Variants in TGFBR2 observed in about 807,000 individuals in gnomAD.
TGFBR2 encodes TGF-beta receptor type-2.
A neutral mutation model predicts 49.0 loss-of-function variants in TGFBR2; 18 were observed. That is an observed-to-expected ratio of 0.37 (90% CI 0.25 to 0.54). The LOEUF (loss-of-function observed/expected upper bound fraction) is 0.54. Among genes scored for constraint, TGFBR2 ranks in the 20% least tolerant of loss-of-function variants. The pLI, the probability that TGFBR2 is intolerant of heterozygous loss-of-function variation, is 0.85. For missense variants in TGFBR2, 525 were observed against 722.6 expected, an observed-to-expected ratio of 0.73 and a Z score of 3.13; for synonymous variants, 282 against 275.9, an observed-to-expected ratio of 1.02 and a Z score of -0.22.
intron 6 of TGFBR2, among the ~76,000 whole-genome samples, chr3:30,690,228 C>T (rs1699688741): frequency 6.6e-6 from 1 of 152,212 alleles, no homozygotes; most frequent in Non-Finnish European, 1.5e-5. Flanking sequence ...TCTATTTCCA[C>T]CTATCAGACC....
At position 30,672,449 on chromosome 3, in the gene TGFBR2, C is replaced by T. The variant is rs763098114; in HGVS notation, c.1254+12C>T. 1.9e-6 allele frequency: 3 copies of T among 1,613,998 alleles called. No homozygotes were observed. The highest frequency in any genetic ancestry group is 2.5e-6 in the Non-Finnish European group (3 of 1,179,846). On this transcript the variant is annotated intron_variant, in intron 4 of 6. Coordinates refer to ENST00000295754, the MANE Select transcript of TGFBR2 (RefSeq NM_003242.6). The surrounding 1 kb of genome is among the most constrained non-coding windows in gnomAD (Gnocchi z 4.5). ...CTAACAGTGGGCAGGTAAGTTAGAG[C>T]TAGTGCTAGATCCCCTTTACCTTGA...
At chr3:30,653,987 A>G (rs539237186) in intron 3 of TGFBR2, among the ~76,000 whole-genome samples, 17 of 152,220 alleles carry the variant, frequency 1.1e-4, no homozygotes, top group Admixed American at 1.1e-3. Context: ...TATCAAAGCT[A>G]GGATTTATAA....
At chr3:30,619,726 C>G (rs768218240) in intron 1 of TGFBR2, among the ~76,000 whole-genome samples, 6 of 152,160 alleles carry the variant, frequency 3.9e-5, no homozygotes, top group Non-Finnish European at 7.3e-5. Context: ...AACGGCTCCA[C>G]CCTTTGAAAT....
intron 5 of TGFBR2, among the ~76,000 whole-genome samples, chr3:30,687,181 T>A (rs1245809473): frequency 6.6e-6 from 1 of 152,252 alleles, no homozygotes; most frequent in Non-Finnish European, 1.5e-5. Context: ...TTGACCTTAG[T>A]TGAAGCCTGA....
At chr3:30,607,834 T>TA (rs979227788) in intron 1 of TGFBR2, among the ~76,000 whole-genome samples, 6 of 125,674 alleles carry the variant, frequency 4.8e-5, no homozygotes, top group African/African-American at 1.3e-4. Flanking sequence ...TAAATATATA[T>TA]ATAATTATAT....
Position 30,612,875 on chromosome 3 carries a change from A to T in TGFBR2, c.94+5898A>T, listed in dbSNP as rs117560265. On this transcript the variant is annotated intron_variant, in intron 1 of 6. Coordinates refer to ENST00000295754, the MANE Select transcript of TGFBR2 (RefSeq NM_003242.6). ...GAGGTTAAGATTCTCTTCCTCACCC[A>T]TTACATCAGGAGTACTTCTGCCTTT... Among the ~76,000 whole-genome samples the T allele has an allele frequency of 2.1e-4, 32 of 152,268 alleles. No individual in the cohort carries two copies. In the East Asian group the frequency reaches 6.2e-3, roughly 29 times the overall value.
intron 5 of TGFBR2, among the ~76,000 whole-genome samples, chr3:30,684,020 G>A (rs1170449161): frequency 6.6e-6 from 1 of 152,202 alleles, no homozygotes; most frequent in Non-Finnish European, 1.5e-5. Context: ...GGCATTCTGA[G>A]GGACACTTAG....
At chr3:30,681,061 G>A (rs1179087024) in intron 5 of TGFBR2, among the ~76,000 whole-genome samples, 1 of 149,056 alleles carries the variant, frequency 6.7e-6, no homozygotes, top group African/African-American at 2.5e-5. Flanking sequence ...AATAGAAGCT[G>A]ACACGTAGCA....
rs747787235 is a variant in TGFBR2 at position 30,661,138 on chromosome 3, G to A, written c.455-10500G>A. On this transcript the variant is annotated intron_variant, in intron 3 of 6. Coordinates refer to ENST00000295754, the MANE Select transcript of TGFBR2 (RefSeq NM_003242.6). The stretch of plus-strand genomic sequence containing the variant: ...AGGGCCCCTAGACAGAGTACAAGGT[G>A]TAATTCAGACAGCCAGCCAGAAAAA... Among the ~76,000 whole-genome samples, 15 of 152,344 alleles carry A rather than the reference G, an allele frequency of 9.8e-5. No individual in the cohort carries two copies. In the East Asian group the frequency reaches 2.7e-3, roughly 27 times the overall value.
At chr3:30,607,799 A>AATATATAT (rs1553624165) in intron 1 of TGFBR2, among the ~76,000 whole-genome samples, 18 of 138,316 alleles carry the variant, frequency 1.3e-4, no homozygotes, top group African/African-American at 3.5e-4. Context: ...AAAATAAAAA[A>AATATATAT]ATATATATAT....
intron 1 of TGFBR2, among the ~76,000 whole-genome samples, chr3:30,624,656 A>G (rs1698300364): frequency 6.6e-6 from 1 of 152,126 alleles, no homozygotes; most frequent in African/African-American, 2.4e-5. Flanking sequence ...AGCAGAAACT[A>G]TTTCACTTGC....
intron 5 of TGFBR2, among the ~76,000 whole-genome samples, chr3:30,681,160 GA>G (rs55729736): frequency 1.2e-3 from 97 of 82,960 alleles, no homozygotes; most frequent in African/African-American, 2.0e-3. Flanking sequence ...CTTGTGAGAT[GA>G]AAAAAAAAAA....
chr3:30,678,974 A>T (rs1699488911), intron 5 of TGFBR2, among the ~76,000 whole-genome samples: 1 of 152,218 alleles, frequency 6.6e-6, no homozygotes, highest in Admixed American at 6.5e-5. Flanking sequence ...GAAAACTGTG[A>T]AGTCCCACCT....
chr3:30,632,268 C>T (rs1698451896), intron 1 of TGFBR2, among the ~76,000 whole-genome samples: 1 of 152,172 alleles, frequency 6.6e-6, no homozygotes, highest in African/African-American at 2.4e-5. Flanking sequence ...AAATAACACA[C>T]TAAGTGTCTC....
intron 1 of TGFBR2, among the ~76,000 whole-genome samples, chr3:30,636,155 A>ATGTGTGTGTGTGTGTGTGTG (rs61296907): frequency 7.4e-6 from 1 of 134,634 alleles, no homozygotes; most frequent in African/African-American, 2.8e-5. Flanking sequence ...ATATATATGT[A>ATGTGTGTGTGTGTGTGTGTG]TGTGTGTGTG....
intron 5 of TGFBR2, among the ~76,000 whole-genome samples, chr3:30,684,829 C>T (rs918493701): frequency 3.3e-5 from 5 of 152,178 alleles, no homozygotes; most frequent in African/African-American, 9.7e-5. Flanking sequence ...TCTAAAATAG[C>T]ATTCATTAAT....
intron 3 of TGFBR2, among the ~76,000 whole-genome samples, chr3:30,663,521 A>G (rs1420035427): frequency 1.3e-5 from 2 of 152,216 alleles, no homozygotes; most frequent in Admixed American, 1.3e-4. Flanking sequence ...GTTTTTTTAA[A>G]ACAGTAATTC....
chr3:30,607,122 C>T, intron 1 of TGFBR2, 145 bp downstream of exon 1: 1 of 652,218 alleles, frequency 1.5e-6, no homozygotes. Flanking sequence ...TCACGCAGCC[C>T]GACTCCCGTA....
chr3:30,675,303 G>C (rs979905721), intron 5 of TGFBR2, among the ~76,000 whole-genome samples: 9 of 151,868 alleles, frequency 5.9e-5, no homozygotes, highest in Non-Finnish European at 1.0e-4. Flanking sequence ...TTATTTCTTA[G>C]GTGAGACAGG....
Sources: allele counts gnomAD v4.1 joint callset (sites outside exome capture counted in the v4.1 genomes callset), GRCh38; gene constraint gnomAD v4.1.1; non-coding constraint Gnocchi (gnomAD v3.1); transcripts MANE v1.5; gene names NCBI Gene and HGNC (gene_info 2026-07-23, HGNC 2026-07-21).